EXTL3: variants seen among roughly 807,000 people sequenced by gnomAD.
EXTL3 encodes the protein exostosin-like 3.
In EXTL3, 27 loss-of-function variants were observed where a neutral mutation model predicts 69.3. The ratio of observed to expected loss-of-function variants is 0.39; its 90% CI spans 0.29 to 0.54. The LOEUF (loss-of-function observed/expected upper bound fraction) is 0.54, where lower values mean the gene tolerates loss of function less well. Ranked by LOEUF, EXTL3 falls within the 20% of genes least tolerant of loss-of-function variation. EXTL3 has a pLI of 0.69. For synonymous variants in EXTL3, 511 were observed against 499.4 expected, an observed-to-expected ratio of 1.02 and a Z score of -0.31; for missense variants, 1,003 against 1,231.8, an observed-to-expected ratio of 0.81 and a Z score of 2.78.
At position 28,716,302 on chromosome 8, in the gene EXTL3, T is replaced by G; in HGVS notation, c.243T>G (p.Asp81Glu). The G allele has an allele frequency of 6.2e-7, 1 of 1,614,178 alleles. No homozygotes were observed. Among genetic ancestry groups the G allele is most frequent in the Non-Finnish European group, 8.5e-7 (1 of 1,180,038 alleles). ...TGTGCGAGGTGAAGCACGTGCTGGA[T>G]CTGTGCCGCATCCGGGAGTCGGTGA... ...NELCEVKHVL[D>E]LCRIRESVSE... Residue 81 changes from aspartate (D) to glutamate (E), a missense_variant, in exon 3 of 7, where the codon GAT (aspartate) becomes GAG (glutamate). Physicochemically the swap from Asp to Glu is conservative, Grantham distance 45. Transcript: ENST00000220562. The surrounding 1 kb of genome is among the most constrained non-coding windows in gnomAD (Gnocchi z 7.1).
intron 1 of EXTL3, among the ~76,000 whole-genome samples, chr8:28,680,970 T>G (rs1368429618): frequency 1.3e-5 from 2 of 151,940 alleles, no homozygotes; most frequent in African/African-American, 4.8e-5. Context: ...CTCCGCCGCC[T>G]GGGTTCAAGC....
At chr8:28,657,105 T>A (rs964673690) in intron 1 of EXTL3, among the ~76,000 whole-genome samples, 3 of 151,322 alleles carry the variant, frequency 2.0e-5, no homozygotes, top group African/African-American at 7.3e-5. Flanking sequence ...ACCCAGCTAA[T>A]TTTTTTTTGT....
chr8:28,642,554 G>A (rs555487373), intron 1 of EXTL3, among the ~76,000 whole-genome samples: 15 of 151,968 alleles, frequency 9.9e-5, no homozygotes, highest in South Asian at 6.2e-4. Context: ...GGAGTTCGAG[G>A]CTGCAGTGAG....
chr8:28,684,095 C>T (rs13439838), intron 1 of EXTL3, among the ~76,000 whole-genome samples: 2,004 of 152,254 alleles, frequency 0.013, 37 homozygotes, highest in African/African-American at 0.046. Flanking sequence ...CATGTTGCTG[C>T]AGGTGACAGG....
At chr8:28,679,024 G>A (rs1807435228) in intron 1 of EXTL3, among the ~76,000 whole-genome samples, 1 of 152,198 alleles carries the variant, frequency 6.6e-6, no homozygotes, top group African/African-American at 2.4e-5. Flanking sequence ...GGGACCAGGG[G>A]TGGACTTTCC....
chr8:28,685,901 G>A (rs1807569431), intron 1 of EXTL3: 1 of 149,904 alleles, frequency 6.7e-6, no homozygotes, highest in Admixed American at 6.7e-5. Flanking sequence ...GTCTTGTCTT[G>A]TCACTCAAGC....
chr8:28,656,336 A>G (rs1038350860), intron 1 of EXTL3, among the ~76,000 whole-genome samples: 15 of 151,916 alleles, frequency 9.9e-5, no homozygotes, highest in African/African-American at 2.4e-5. Flanking sequence ...ACACCCGGCT[A>G]ATTTTTGTAT....
intron 3 of EXTL3, among the ~76,000 whole-genome samples, chr8:28,724,633 G>GA (rs891649853): frequency 1.7e-4 from 25 of 146,854 alleles, no homozygotes; most frequent in Middle Eastern, 3.6e-3. Flanking sequence ...AAGAAAAAAA[G>GA]AAAAAAAAAT....
chr8:28,755,053 C>T lies in EXTL3; in HGVS notation c.*4187C>T, dbSNP rs1404989685. 6.6e-6 allele frequency: 1 copy of T among 152,156 alleles called. No individual in the cohort carries two copies. Among genetic ancestry groups the T allele is most frequent in the Non-Finnish European group, 1.5e-5 (1 of 68,024 alleles). 9.4% of individuals were successfully genotyped at this position (152,156 alleles called of 1,614,324 possible). A position where few individuals can be genotyped will look rare whatever the true frequency, so the allele number is the denominator to read the frequency against. ...TCTATTACTATTTTAGGCTCTAATC[C>T]CACCATACGGTGGCAAAAGTTGTGC... On this transcript the variant is annotated 3_prime_UTR_variant, in exon 7 of 7. Transcript: ENST00000220562.
chr8:28,659,798 C>T (rs992342273), intron 1 of EXTL3, among the ~76,000 whole-genome samples: 3 of 152,156 alleles, frequency 2.0e-5, no homozygotes, highest in Non-Finnish European at 4.4e-5. Flanking sequence ...ATTGCAGTTT[C>T]GTTTGCCTAT....
intron 3 of EXTL3, among the ~76,000 whole-genome samples, chr8:28,727,842 C>T (rs139484696): frequency 7.2e-5 from 11 of 152,304 alleles, no homozygotes; most frequent in African/African-American, 2.2e-4. Context: ...TGTGCCTGCA[C>T]TCCTACAGGC....
upstream of EXTL3, among the ~76,000 whole-genome samples, chr8:28,620,475 C>A (rs58603302): frequency 0.09 from 13,669 of 152,144 alleles, 1,756 homozygotes; most frequent in African/African-American, 0.28. Context: ...CTGCCAACCC[C>A]TGTCCTCTCA....
rs1802034465 is a variant in EXTL3, at chr8:28,752,683, A to G, written c.*1817A>G. ...CAGCCTGTAGCTCCCCTGCTGAGGC[A>G]GTGTGGTTATGTTCCCAGCAGTGGG... On this transcript the variant is annotated 3_prime_UTR_variant, in exon 7 of 7. Coordinates refer to ENST00000220562, the MANE Select transcript of EXTL3 (RefSeq NM_001440.4). 6.5e-6 allele frequency: 1 copy of G among 152,772 alleles called. No homozygotes were observed. The highest frequency in any genetic ancestry group is 6.5e-5 in the Admixed American group (1 of 15,290). 9.5% of individuals were successfully genotyped at this position (152,772 alleles called of 1,614,324 possible). A position where few individuals can be genotyped will look rare whatever the true frequency, so the allele number is the denominator to read the frequency against.
chr8:28,716,510 C>G lies in EXTL3; in HGVS notation c.451C>G (p.Pro151Ala). ...CAAGGAGCTCATGGCCCAGAACCAGCCCAAGCTGTCCCTGCCCATCCGACT... is the reference window on the plus strand; with the variant it reads ...CAAGGAGCTCATGGCCCAGAACCAGGCCAAGCTGTCCCTGCCCATCCGACT... ...SYKELMAQNQPKLSLPIRLLP... is the reference protein window; with the variant it reads ...SYKELMAQNQAKLSLPIRLLP... The change falls in exon 3 of 7, where the codon CCC (proline) becomes GCC (alanine). Residue 151 changes from proline to alanine, a missense_variant. Around this residue, in one of 2 missense-constraint regions of EXTL3, gnomAD observed 742 missense variants for 815.4 expected, o/e 0.91. Transcript: ENST00000220562. The surrounding 1 kb of genome is among the most constrained non-coding windows in gnomAD (Gnocchi z 7.1). 1 of 1,614,056 alleles carries G rather than the reference C, an allele frequency of 6.2e-7. No individual in the cohort carries two copies. Among genetic ancestry groups the G allele is most frequent in the Non-Finnish European group, 8.5e-7 (1 of 1,180,048 alleles).
intron 1 of EXTL3, among the ~76,000 whole-genome samples, chr8:28,624,917 A>T (rs1232795005): frequency 1.3e-5 from 2 of 152,232 alleles, no homozygotes; most frequent in Non-Finnish European, 2.9e-5. Context: ...CTAAAAAAAT[A>T]AGCAGATCAA....
At chr8:28,719,524 A>C (rs1316479379) in intron 3 of EXTL3, among the ~76,000 whole-genome samples, 4 of 152,154 alleles carry the variant, frequency 2.6e-5, no homozygotes, top group Non-Finnish European at 5.9e-5. Context: ...CTTTGCTTTA[A>C]ATTTTTTCTT....
At chr8:28,646,661 G>C (rs1252827888) in intron 1 of EXTL3, among the ~76,000 whole-genome samples, 1 of 152,158 alleles carries the variant, frequency 6.6e-6, no homozygotes, top group African/African-American at 2.4e-5. Context: ...AGTTAAATCT[G>C]AATCATTAGT....
chr8:28,737,611 A>G lies in EXTL3; in HGVS notation c.2369A>G (p.Asn790Ser). Residue 790 changes from asparagine (N) to serine (S), a missense_variant, in exon 5 of 7, where the codon AAC becomes AGC. By Grantham distance (46) the Asn-to-Ser change is conservative. Coordinates refer to ENST00000220562, the MANE Select transcript of EXTL3 (RefSeq NM_001440.4). ...CATCAGTCCTGGCTCTACAACTCCA[A>G]CTACTCCTGTGAGCTGTCCATGGTG... ...IPHQSWLYNS[N>S]YSCELSMVLT... 2 of 1,614,144 alleles carry G rather than the reference A, an allele frequency of 1.2e-6. No individual in the cohort carries two copies. The highest frequency in any genetic ancestry group is 1.7e-6 in the Non-Finnish European group (2 of 1,179,966).
rs1806447139 is a variant in EXTL3, at chr8:28,623,570, A to C, written c.-53+760A>C. Reference sequence around the variant, plus strand: ...CCCTTGGTAAGCATGTCCTGTCCTGAAGGCTCCATGCTGAAAGTCTAGACC... The same window carrying C: ...CCCTTGGTAAGCATGTCCTGTCCTGCAGGCTCCATGCTGAAAGTCTAGACC... On this transcript the variant is annotated intron_variant, in intron 1 of 6. Transcript: ENST00000523149. The surrounding 1 kb of genome is among the most constrained non-coding windows in gnomAD (Gnocchi z 4.2). 1.3e-5 allele frequency among the ~76,000 whole-genome samples: 2 copies of C among 152,190 alleles called. No homozygotes were observed. Among genetic ancestry groups the C allele is most frequent in the African/African-American group, 4.8e-5 (2 of 41,444 alleles).
Sources: allele counts gnomAD v4.1 joint callset (sites outside exome capture counted in the v4.1 genomes callset), GRCh38; gene constraint gnomAD v4.1.1; regional missense constraint gnomAD v4.1.1; non-coding constraint Gnocchi (gnomAD v3.1); transcripts MANE v1.5; gene names NCBI Gene and HGNC (gene_info 2026-07-23, HGNC 2026-07-21).